Variants in NRG1 observed in about 807,000 individuals in gnomAD.
NRG1 encodes pro-neuregulin-1, membrane-bound isoform.
Under a neutral mutation model 63.8 loss-of-function variants are expected in NRG1, and 18 were observed. The ratio of observed to expected loss-of-function variants is 0.28; its 90% CI spans 0.19 to 0.42. The LOEUF (loss-of-function observed/expected upper bound fraction) is 0.42, where lower values mean the gene tolerates loss of function less well. NRG1 is among the 10% of genes least tolerant of loss of function. NRG1 has a pLI of 1.00. For synonymous variants in NRG1, 302 were observed against 301.3 expected, an observed-to-expected ratio of 1.00 and a Z score of -0.02; for missense variants, 762 against 814.7, an observed-to-expected ratio of 0.94 and a Z score of 0.79.
At chr8:31,868,554 A>G (rs1044430363) in intron 1 of NRG1, among the ~76,000 whole-genome samples, 1 of 152,194 alleles carries the variant, frequency 6.6e-6, no homozygotes, top group Non-Finnish European at 1.5e-5. Flanking sequence ...ACACAGACAT[A>G]TAATCAGTCC....
intron 1 of NRG1, among the ~76,000 whole-genome samples, chr8:31,821,414 T>G (rs1823994519): frequency 6.6e-6 from 1 of 152,202 alleles, no homozygotes; most frequent in African/African-American, 2.4e-5. Context: ...TCCCATCCTT[T>G]TATGGAACTA....
chr8:32,625,786 T>C (rs1328898553), intron 5 of NRG1, among the ~76,000 whole-genome samples: 6 of 133,842 alleles, frequency 4.5e-5, no homozygotes, highest in African/African-American at 1.6e-4. Context: ...TTTTTTTTTT[T>C]TCTTTTTTCT....
At chr8:32,566,569 A>G (rs11775204) in intron 1 of NRG1, among the ~76,000 whole-genome samples, 31,262 of 151,986 alleles carry the variant, frequency 0.21, 3,904 homozygotes, top group Admixed American at 0.33. Flanking sequence ...TTGTCCAGGT[A>G]TTTTGCGTCT....
At chr8:32,378,696 G>T (rs559548379) in intron 1 of NRG1, among the ~76,000 whole-genome samples, 2 of 151,964 alleles carry the variant, frequency 1.3e-5, no homozygotes, top group African/African-American at 4.8e-5. Context: ...TTATACATGT[G>T]CCATGTTGGT....
In NRG1 at chr8:32,638,965, A is replaced by G. The variant is rs564453506; in HGVS notation, c.502+22080A>G. Among the ~76,000 whole-genome samples the G allele has an allele frequency of 7.9e-5, 12 of 151,854 alleles. No homozygotes were observed. In the South Asian group the frequency reaches 1.0e-3, roughly 13 times the overall value. ...CAAATCAGTTCTGGAAACTGCATATACTTTTATTTCTTCTTTTTTTTTTGT... is the reference window on the plus strand; with the variant it reads ...CAAATCAGTTCTGGAAACTGCATATGCTTTTATTTCTTCTTTTTTTTTTGT... On this transcript the variant is annotated intron_variant, in intron 5 of 11. Transcript: ENST00000356819.
At chr8:32,530,807 T>C (rs532747462) in intron 1 of NRG1, among the ~76,000 whole-genome samples, 24 of 152,268 alleles carry the variant, frequency 1.6e-4, no homozygotes, top group African/African-American at 5.5e-4. Flanking sequence ...ATTTGAAAGA[T>C]GCAGCCAGGT....
chr8:32,058,604 C>G (rs1823351676), intron 1 of NRG1, among the ~76,000 whole-genome samples: 1 of 151,722 alleles, frequency 6.6e-6, no homozygotes, highest in South Asian at 2.1e-4. Flanking sequence ...CTATTTTAGA[C>G]TTTCTGGTAG....
chr8:32,312,267 G>A (rs13250104), intron 1 of NRG1, among the ~76,000 whole-genome samples: 46,930 of 144,288 alleles, frequency 0.33, 8,216 homozygotes, highest in South Asian at 0.48. Flanking sequence ...GGGCTCAAGC[G>A]ATTCTCCAGC....
At chr8:31,688,540 C>A (rs1055351572) in intron 1 of NRG1, among the ~76,000 whole-genome samples, 1 of 152,152 alleles carries the variant, frequency 6.6e-6, no homozygotes, top group African/African-American at 2.4e-5. Context: ...TTAGAATTAA[C>A]ATAATGAGGA....
At chr8:32,322,355 T>TATATATA (rs1563313662) in intron 1 of NRG1, among the ~76,000 whole-genome samples, 70 of 142,656 alleles carry the variant, frequency 4.9e-4, no homozygotes, top group African/African-American at 1.7e-3. Context: ...CAACCTTATT[T>TATATATA]TATATATATA....
chr8:32,650,792 C>G (rs966815810), intron 5 of NRG1, among the ~76,000 whole-genome samples: 1 of 151,316 alleles, frequency 6.6e-6, no homozygotes, highest in Non-Finnish European at 1.5e-5. Context: ...GCTGTCATGG[C>G]TTATATTTGA....
At chr8:32,109,790 CT>C (rs1831766209) in intron 1 of NRG1, among the ~76,000 whole-genome samples, 1 of 151,914 alleles carries the variant, frequency 6.6e-6, no homozygotes, top group Non-Finnish European at 1.5e-5. Flanking sequence ...ATAATATGAC[CT>C]TTTTTAAAGA....
chr8:32,098,024 G>A (rs1319325238), intron 1 of NRG1, among the ~76,000 whole-genome samples: 1 of 152,110 alleles, frequency 6.6e-6, no homozygotes, highest in Non-Finnish European at 1.5e-5. Flanking sequence ...ATTATAGATA[G>A]AGAAGATAAG....
At chr8:31,896,769 C>T (rs1040155560) in intron 1 of NRG1, among the ~76,000 whole-genome samples, 5 of 152,200 alleles carry the variant, frequency 3.3e-5, no homozygotes, top group African/African-American at 4.8e-5. Context: ...AATTGATCTA[C>T]AGATCCTTTT....
At chr8:32,022,744 T>C (rs1220194019) in intron 1 of NRG1, among the ~76,000 whole-genome samples, 2 of 152,216 alleles carry the variant, frequency 1.3e-5, no homozygotes, top group African/African-American at 2.4e-5. Context: ...TAATTGTATA[T>C]ATTTTTTTCA....
intron 1 of NRG1, among the ~76,000 whole-genome samples, chr8:31,935,605 T>C (rs1450087335): frequency 6.6e-6 from 1 of 152,170 alleles, no homozygotes; most frequent in Non-Finnish European, 1.5e-5. Flanking sequence ...TCAGAGAGCA[T>C]GGATTACTGA....
At chr8:31,921,878 T>G (rs903435114) in intron 1 of NRG1, among the ~76,000 whole-genome samples, 3 of 152,172 alleles carry the variant, frequency 2.0e-5, no homozygotes, top group African/African-American at 4.8e-5. Flanking sequence ...GTACATAATA[T>G]GCATGTCCCC....
chr8:31,640,960 T>C lies in NRG1; in HGVS notation c.37+1529T>C, dbSNP rs868611708. Among the ~76,000 whole-genome samples, 9 of 152,226 alleles carry C rather than the reference T, an allele frequency of 5.9e-5. No homozygotes were observed. The highest frequency in any genetic ancestry group is 1.9e-4 in the African/African-American group (8 of 41,470). ...AGAAAGCCCAAGTTTAGTCCTGGGT[T>C]GGGGCCTCCTGAAACTTTTTAATCC... On this transcript the variant is annotated intron_variant, in intron 1 of 10. Transcript: ENST00000519301. This position sits in a 1 kb window ranked among gnomAD's most constrained non-coding sequence, Gnocchi z 6.3.
chr8:32,524,501 T>C (rs954649781), intron 1 of NRG1, among the ~76,000 whole-genome samples: 9 of 151,788 alleles, frequency 5.9e-5, no homozygotes, highest in Non-Finnish European at 1.3e-4. Context: ...TAAAGATTTT[T>C]TTTTTCTATT....
Sources: allele counts gnomAD v4.1 joint callset (sites outside exome capture counted in the v4.1 genomes callset), GRCh38; gene constraint gnomAD v4.1.1; non-coding constraint Gnocchi (gnomAD v3.1); transcripts MANE v1.5; gene names NCBI Gene and HGNC (gene_info 2026-07-23, HGNC 2026-07-21).